Variants in PRELID2 observed in about 807,000 individuals in gnomAD.
The protein encoded by PRELID2 is PRELI domain containing 2, also known as PRELI domain-containing protein 2.
PRELID2 carries 25 observed loss-of-function variants against 28.4 expected under a neutral mutation model. The observed-to-expected ratio is 0.88, with a 90% confidence interval of 0.64 to 1.23. The LOEUF (loss-of-function observed/expected upper bound fraction) is 1.23, where lower values mean the gene tolerates loss of function less well. PRELID2 is among the 50% of genes most tolerant of loss of function. The probability of loss-of-function intolerance (pLI) is 0.00; values close to 1 mark genes in which losing one functional copy is unlikely to be tolerated. For synonymous variants in PRELID2, 76 were observed against 71.6 expected (o/e 1.06, Z -0.31); for missense variants, 201 against 214.4 (o/e 0.94, Z 0.39).
At chr5:145,535,606 C>T (rs1381146985) in intron 1 of PRELID2, among the ~76,000 whole-genome samples, 1 of 151,742 alleles carries the variant, frequency 6.6e-6, no homozygotes, top group Non-Finnish European at 1.5e-5. Context: ...AATGAGTCCT[C>T]TAGGGCATGA....
At chr5:145,577,644 T>C (rs1753072064) in intron 1 of PRELID2, among the ~76,000 whole-genome samples, 1 of 152,048 alleles carries the variant, frequency 6.6e-6, no homozygotes, top group Admixed American at 6.6e-5. Flanking sequence ...GTCTTAGAAG[T>C]TCAAGAAGGA....
At chr5:145,641,912 C>T (rs1459051621) in intron 1 of PRELID2, among the ~76,000 whole-genome samples, 1 of 152,134 alleles carries the variant, frequency 6.6e-6, no homozygotes, top group Non-Finnish European at 1.5e-5. Context: ...TCCAATCTAT[C>T]CTTGATGGAC....
the PRELID2 span, among the ~76,000 whole-genome samples, chr5:145,360,815 C>A: frequency 6.6e-6 from 1 of 152,068 alleles, no homozygotes; most frequent in Non-Finnish European, 1.5e-5. Context: ...CTTTATGATA[C>A]TATTATAATA....
chr5:145,304,345 C>A, the PRELID2 span, among the ~76,000 whole-genome samples: 1 of 152,024 alleles, frequency 6.6e-6, no homozygotes, highest in Non-Finnish European at 1.5e-5. Context: ...ATAACTTTTC[C>A]AAAGTCACGC....
the PRELID2 span, among the ~76,000 whole-genome samples, chr5:145,405,699 G>GTTTTTTTTTTTTTTTTTTTTTT: frequency 6.5e-5 from 3 of 45,992 alleles, no homozygotes; most frequent in Non-Finnish European, 9.6e-5. Flanking sequence ...GTACCACATA[G>GTTTTTTTTTTTTTTTTTTTTTT]TTGTTTTTTT....
chr5:145,316,186 G>T, the PRELID2 span, among the ~76,000 whole-genome samples: 1 of 152,128 alleles, frequency 6.6e-6, no homozygotes, highest in African/African-American at 2.4e-5. Context: ...GGTCTTTTGG[G>T]TCTTTATTGT....
At chr5:145,415,255 G>GT in the PRELID2 span, among the ~76,000 whole-genome samples, 1 of 151,696 alleles carries the variant, frequency 6.6e-6, no homozygotes, top group Non-Finnish European at 1.5e-5. Context: ...GTTTTGTTTT[G>GT]TTTTTTATTT....
intron 1 of PRELID2, among the ~76,000 whole-genome samples, chr5:145,737,468 T>C (rs1469241329): frequency 2.0e-5 from 3 of 151,694 alleles, no homozygotes; most frequent in African/African-American, 4.8e-5. Flanking sequence ...GACTGTGAAA[T>C]GTGGAGTGAA....
At chr5:145,697,986 C>A (rs1581069494) in intron 1 of PRELID2, among the ~76,000 whole-genome samples, 1 of 149,698 alleles carries the variant, frequency 6.7e-6, no homozygotes, top group Non-Finnish European at 1.5e-5. Flanking sequence ...TAATGTCCCT[C>A]AAAAAAAATA....
the PRELID2 span, among the ~76,000 whole-genome samples, chr5:145,354,323 G>T: frequency 6.6e-6 from 1 of 152,068 alleles, no homozygotes; most frequent in African/African-American, 2.4e-5. Context: ...TGGAAAGGTT[G>T]CCCCATTCTA....
intron 1 of PRELID2, among the ~76,000 whole-genome samples, chr5:145,510,461 G>T (rs78867305): frequency 0.038 from 5,735 of 152,260 alleles, 257 homozygotes; most frequent in African/African-American, 0.1. Flanking sequence ...AGGCCTCAGA[G>T]GGGGAGGCAT....
At chr5:145,710,843 C>T (rs1395902821) in intron 1 of PRELID2, among the ~76,000 whole-genome samples, 1 of 152,224 alleles carries the variant, frequency 6.6e-6, no homozygotes, top group Non-Finnish European at 1.5e-5. Flanking sequence ...GCTTACAACT[C>T]ATACACCAGA....
intron 1 of PRELID2, among the ~76,000 whole-genome samples, chr5:145,730,519 T>C (rs1020895825): frequency 1.3e-5 from 2 of 152,196 alleles, no homozygotes; most frequent in Non-Finnish European, 2.9e-5. Flanking sequence ...TCACCCATGC[T>C]AATGAGGATG....
At chr5:145,251,953 T>C in the PRELID2 span, among the ~76,000 whole-genome samples, 1 of 152,140 alleles carries the variant, frequency 6.6e-6, no homozygotes, top group African/African-American at 2.4e-5. Flanking sequence ...TTCTGGTGTT[T>C]GACCCAAACC....
At chr5:145,334,873 T>G in the PRELID2 span, among the ~76,000 whole-genome samples, 1 of 152,014 alleles carries the variant, frequency 6.6e-6, no homozygotes, top group Non-Finnish European at 1.5e-5. Context: ...AAAATGTCCT[T>G]GTGTGTCAAG....
At chr5:145,390,115 G>A in the PRELID2 span, among the ~76,000 whole-genome samples, 2 of 152,198 alleles carry the variant, frequency 1.3e-5, no homozygotes, top group Non-Finnish European at 2.9e-5. Flanking sequence ...GGTAAGGACA[G>A]TGGAAGTACA....
chr5:145,404,273 C>T, the PRELID2 span, among the ~76,000 whole-genome samples: 36 of 152,240 alleles, frequency 2.4e-4, no homozygotes, highest in South Asian at 4.8e-3. Context: ...TTTTCCTTTC[C>T]GCACACTCTG....
chr5:145,307,990 G>T, the PRELID2 span, among the ~76,000 whole-genome samples: 1 of 152,134 alleles, frequency 6.6e-6, no homozygotes, highest in South Asian at 2.1e-4. Context: ...CATTCTCTGT[G>T]TGTGGTCAGT....
At chr5:145,347,511 T>C in the PRELID2 span, among the ~76,000 whole-genome samples, 2 of 152,168 alleles carry the variant, frequency 1.3e-5, no homozygotes, top group Non-Finnish European at 2.9e-5. Context: ...TTGATTCAAA[T>C]TTCACTGTAG....
Sources: gnomAD v4.1 joint callset for allele counts (sites outside exome capture counted in the v4.1 genomes callset) on GRCh38, gnomAD v4.1.1 for gene constraint, MANE v1.5 for transcripts, NCBI Gene and HGNC (gene_info 2026-07-23, HGNC 2026-07-21) for gene names.